LY75: variants seen among roughly 807,000 people sequenced by gnomAD.
LY75 encodes lymphocyte antigen 75.
Under a neutral mutation model 231.7 loss-of-function variants are expected in LY75, and 185 were observed. The ratio of observed to expected loss-of-function variants is 0.80; its 90% CI spans 0.71 to 0.90. LY75 has a LOEUF of 0.90. Among genes scored for constraint, LY75 ranks in the 40% least tolerant of loss-of-function variants. LY75 has a pLI of 0.00. For synonymous variants in LY75, 668 were observed against 689.0 expected (o/e 0.97, Z 0.48); for missense variants, 1,947 against 2,050.2 (o/e 0.95, Z 0.97).
chr2:159,813,792 C>T (rs1683036891), intron 31 of LY75: 1 of 152,258 alleles, frequency 6.6e-6, no homozygotes, highest in African/African-American at 2.4e-5. Flanking sequence ...GGAGGAGGCA[C>T]TCTTCAACCT....
chr2:159,809,798 T>C lies in LY75; in HGVS notation c.4699+728A>G, dbSNP rs1489926817. ...GTTCATGTGATTCTCCTGCCTCAGC[T>C]TCCCAAGTAGCTGGGATTACAGGTG... On this transcript the variant is annotated intron_variant, in intron 32 of 34. Transcript: ENST00000263636. Among the ~76,000 whole-genome samples the C allele has an allele frequency of 2.1e-3, 298 of 145,146 alleles. 6 individuals are homozygous for C. Among genetic ancestry groups the C allele is most frequent in the Non-Finnish European group, 1.1e-4 (7 of 65,706 alleles).
At chr2:159,840,675 TA>T (rs1351008143) in intron 25 of LY75, 53 bp downstream of exon 25, 34 of 1,610,986 alleles carry the variant, frequency 2.1e-5, no homozygotes, top group Non-Finnish European at 2.7e-5. Flanking sequence ...CTATGCACAA[TA>T]AAAAATGTCG....
intron 29 of LY75, among the ~76,000 whole-genome samples, chr2:159,817,758 A>G (rs1439819058): frequency 1.3e-5 from 2 of 152,208 alleles, no homozygotes; most frequent in Admixed American, 6.5e-5. Flanking sequence ...AATAAATTTA[A>G]AAATTGGGGC....
At chr2:159,879,145 G>A in intron 9 of LY75, 114 bp downstream of exon 9, 1 of 1,190,480 alleles carries the variant, frequency 8.4e-7, no homozygotes, top group Non-Finnish European at 1.2e-6. Context: ...TAAATGAACA[G>A]AAGCTAGTAG....
intron 19 of LY75, 111 bp from the exon 20 acceptor site, chr2:159,853,463 A>G (rs1684461490): frequency 1.4e-6 from 2 of 1,474,036 alleles, no homozygotes; most frequent in Middle Eastern, 3.6e-4. Flanking sequence ...CCATTACTCT[A>G]TACCCCTTTT....
At position 159,894,084 on chromosome 2, in the gene LY75, T is replaced by C; in HGVS notation, c.467A>G (p.Glu156Gly). The C allele has an allele frequency of 6.3e-7, 1 of 1,595,242 alleles. No homozygotes were observed. The highest frequency in any genetic ancestry group is 1.1e-5 in the South Asian group (1 of 87,820). Residue 156 changes from glutamate to glycine, a missense_variant and splice_region_variant, in exon 3 of 35, where the codon GAG (glutamate) becomes GGG (glycine). Transcript: ENST00000263636. ...AGAGTTCCCATCTCTGGTATAGATCTCTGGGTTGGAGAGGAAGTTGGGGAA... is the reference window on the plus strand; with the variant it reads ...AGAGTTCCCATCTCTGGTATAGATCCCTGGGTTGGAGAGGAAGTTGGGGAA... The part of the protein sequence containing the change: ...EESLCDQPYH[E>G]IYTRDGNSYG...
In LY75 at chr2:159,805,005, A is replaced by G. The variant is rs773420436; in HGVS notation, c.*39T>C. The G allele has an allele frequency of 1.3e-6, 2 of 1,541,816 alleles. No individual in the cohort carries two copies. Among genetic ancestry groups the G allele is most frequent in the African/African-American group, 2.7e-5 (2 of 73,192 alleles). Reference sequence around the variant, plus strand: ...GGACATTTTAAGTGACTAATTTCTCATAACACATTAGTGCAAATTAGAAAA... The same window carrying G: ...GGACATTTTAAGTGACTAATTTCTCGTAACACATTAGTGCAAATTAGAAAA... On this transcript the variant is annotated 3_prime_UTR_variant, in exon 35 of 35. Coordinates refer to ENST00000263636, the MANE Select transcript of LY75 (RefSeq NM_002349.4).
chr2:159,858,216 AG>A (rs1218427518), intron 16 of LY75, 145 bp downstream of exon 16: 5 of 915,828 alleles, frequency 5.5e-6, no homozygotes, highest in Admixed American at 3.7e-5. Context: ...GGAGTCAGGC[AG>A]GGGGTGCTCC....
chr2:159,874,485 ATG>A, intron 12 of LY75, among the ~76,000 whole-genome samples: 3 of 107,538 alleles, frequency 2.8e-5, no homozygotes, highest in Non-Finnish European at 5.6e-5. Context: ...CTATATAAAT[ATG>A]TACATATTTT....
intron 6 of LY75, among the ~76,000 whole-genome samples, chr2:159,882,554 T>C (rs527603506): frequency 1.6e-4 from 24 of 152,310 alleles, no homozygotes; most frequent in Non-Finnish European, 2.1e-4. Flanking sequence ...CAATGTGCTA[T>C]ATGGCTGAGC....
Position 159,807,127 on chromosome 2 carries a change from A to G in LY75, c.4836T>C (p.Ser1612=), listed in dbSNP as rs748017166. Residue 1612 remains serine, a synonymous_variant, in exon 34 of 35, where the codon AGT becomes AGC. Coordinates refer to ENST00000263636, the MANE Select transcript of LY75 (RefSeq NM_002349.4). The part of the protein sequence containing the change: ...LSQHSVDQSW[S]WLDGSEVTFV... Reference sequence around the variant, plus strand: ...ATGTCACTTCTGATCCATCTAACCAACTCCAAGACTGGTCTGAAGAAAGAA... The same window carrying G: ...ATGTCACTTCTGATCCATCTAACCAGCTCCAAGACTGGTCTGAAGAAAGAA... 13 of 1,610,358 alleles carry G rather than the reference A, an allele frequency of 8.1e-6. 1 individual carries two copies. The South Asian group carries it at 1.4e-4, about 18-fold the overall frequency.
At chr2:159,862,551 G>T (rs1684743907) in intron 14 of LY75, among the ~76,000 whole-genome samples, 1 of 151,886 alleles carries the variant, frequency 6.6e-6, no homozygotes. Context: ...TATACATATG[G>T]GTTTTTAAAA....
chr2:159,886,074 C>A (rs991402300), intron 5 of LY75, among the ~76,000 whole-genome samples: 7 of 152,148 alleles, frequency 4.6e-5, no homozygotes, highest in Non-Finnish European at 1.0e-4. Flanking sequence ...TATTAGAGTT[C>A]AGCTGCAGAT....
In LY75 at chr2:159,896,281, G is replaced by T. The variant is rs550769967; in HGVS notation, c.467-2197C>A. On this transcript the variant is annotated intron_variant, in intron 2 of 34. Coordinates refer to ENST00000263636, the MANE Select transcript of LY75 (RefSeq NM_002349.4). ...TACACCTGGGTGCTAGTCAAAAGCA[G>T]TTCACTCATAAAATTTATACAACTT... Among the ~76,000 whole-genome samples the T allele has an allele frequency of 9.8e-5, 15 of 152,308 alleles. No homozygotes were observed. The South Asian group carries it at 2.7e-3, about 27-fold the overall frequency.
At chr2:159,850,542 CTT>C in intron 21 of LY75, 75 bp from the exon 22 acceptor site, 1 of 1,577,626 alleles carries the variant, frequency 6.3e-7, no homozygotes, top group Non-Finnish European at 8.6e-7. Context: ...AATGCTTCAT[CTT>C]TTAGAGGGCT....
chr2:159,874,157 A>G (rs1424607779), intron 12 of LY75, among the ~76,000 whole-genome samples: 1 of 101,338 alleles, frequency 9.9e-6, no homozygotes, highest in East Asian at 3.7e-4. Flanking sequence ...TTGTAAATAT[A>G]TATAAACGTA....
chr2:159,872,268 C>T (rs1413876798), intron 13 of LY75, 183 bp downstream of exon 13: 3 of 655,628 alleles, frequency 4.6e-6, no homozygotes, highest in Non-Finnish European at 4.8e-6. Flanking sequence ...TTTTTAGATT[C>T]CTCATAGTGT....
At chr2:159,824,630 G>A (rs1449383400) in intron 28 of LY75, among the ~76,000 whole-genome samples, 1 of 152,172 alleles carries the variant, frequency 6.6e-6, no homozygotes, top group Non-Finnish European at 1.5e-5. Flanking sequence ...GCCATCTACA[G>A]AACTCTCCAG....
Position 159,904,575 on chromosome 2 carries a change from G to T in LY75, c.94+14C>A. 11 of 1,505,520 alleles carry T rather than the reference G, an allele frequency of 7.3e-6. No individual in the cohort carries two copies. The highest frequency in any genetic ancestry group is 9.7e-6 in the Non-Finnish European group (11 of 1,130,694). The allele number at this position is 1,505,520 out of a possible 1,614,324, so 93.3% of individuals were successfully genotyped here. ...GCACCCAGCGGACTGCGGGGCTGGC[G>T]TGCCCGCGGTTACCTGCGCGGCCAG... On this transcript the variant is annotated intron_variant, in intron 1 of 34. Transcript: ENST00000263636.
Sources: gnomAD v4.1 joint callset for allele counts (sites outside exome capture counted in the v4.1 genomes callset) on GRCh38, gnomAD v4.1.1 for gene constraint, MANE v1.5 for transcripts, NCBI Gene and HGNC (gene_info 2026-07-23, HGNC 2026-07-21) for gene names.